Variants in SLC22A23 observed in about 807,000 individuals in gnomAD.
The protein encoded by SLC22A23 is ion transporter protein.
Under a neutral mutation model 61.0 loss-of-function variants are expected in SLC22A23, and 26 were observed. The observed-to-expected ratio is 0.43, with a 90% CI of 0.31 to 0.59. SLC22A23 has a LOEUF of 0.59. SLC22A23 is among the 20% of genes least tolerant of loss of function. The pLI is 0.11. For synonymous variants in SLC22A23, 430 were observed against 413.9 expected, an observed-to-expected ratio of 1.04 and a Z score of -0.47; for missense variants, 796 against 934.7, an observed-to-expected ratio of 0.85 and a Z score of 1.94.
chr6:3,376,472 T>G (rs1766575439), intron 3 of SLC22A23, among the ~76,000 whole-genome samples: 1 of 152,070 alleles, frequency 6.6e-6, no homozygotes, highest in Non-Finnish European at 1.5e-5. Flanking sequence ...CTGTGCCTCT[T>G]TCACCCCAGA....
chr6:3,454,567 A>G lies in SLC22A23; in HGVS notation c.654+1339T>C, dbSNP rs2127561467. On this transcript the variant is annotated intron_variant, in intron 1 of 9. Transcript: ENST00000406686. The surrounding 1 kb of genome is among the most constrained non-coding windows in gnomAD (Gnocchi z 4.3). Reference sequence around the variant, plus strand: ...TTGTTCTTAATTTTTCTTTGCTGCTAAACCAACAAAGAAATATTGCCCTCC... The same window carrying G: ...TTGTTCTTAATTTTTCTTTGCTGCTGAACCAACAAAGAAATATTGCCCTCC... Among the ~76,000 whole-genome samples, 2 of 152,344 alleles carry G rather than the reference A, an allele frequency of 1.3e-5. No homozygotes were observed. The highest frequency in any genetic ancestry group is 3.9e-4 in the East Asian group (2 of 5,188).
chr6:3,397,953 G>T lies in SLC22A23; in HGVS notation c.913+12235C>A, dbSNP rs151109598. Among the ~76,000 whole-genome samples, 214 of 152,326 alleles carry T rather than the reference G, an allele frequency of 1.4e-3. 2 individuals are homozygous for T. The Middle Eastern group carries it at 0.017, about 12-fold the overall frequency. ...GGGAGCAAATGACCAAGAATGGGGG[G>T]CCCTGGGGCCTCCCAGCAAACACTT... On this transcript the variant is annotated intron_variant, in intron 3 of 9. Coordinates refer to ENST00000406686, the MANE Select transcript of SLC22A23 (RefSeq NM_015482.2).
chr6:3,414,729 A>AAT lies in SLC22A23; in HGVS notation c.758+1022_758+1023insAT, dbSNP rs1288047712. ...AAGATGTCTCGATTCACCAAAAAAA[A>AAT]AAAAAAAAAAAAAAATCCTTTAAAG... On this transcript the variant is annotated intron_variant, in intron 2 of 9. Coordinates refer to ENST00000406686, the MANE Select transcript of SLC22A23 (RefSeq NM_015482.2). The surrounding 1 kb of genome is among the most constrained non-coding windows in gnomAD (Gnocchi z 5.1). Among the ~76,000 whole-genome samples the AAT allele has an allele frequency of 4.0e-5, 6 of 151,522 alleles. No homozygotes were observed. Among genetic ancestry groups the AAT allele is most frequent in the African/African-American group, 1.2e-4 (5 of 41,172 alleles).
chr6:3,280,283 AAGGCCACAC>A (rs1436323718), intron 9 of SLC22A23, among the ~76,000 whole-genome samples: 2 of 152,026 alleles, frequency 1.3e-5, no homozygotes, highest in African/African-American at 4.8e-5. Context: ...GGACCCACCC[AAGGCCACAC>A]AGGGAGGCGG....
intron 3 of SLC22A23, among the ~76,000 whole-genome samples, chr6:3,369,837 T>A (rs559950434): frequency 6.6e-6 from 1 of 152,378 alleles, no homozygotes; most frequent in South Asian, 2.1e-4. Context: ...TAAACATGGC[T>A]TCAGTTTTAG....
In SLC22A23 at chr6:3,329,155, C is replaced by T. The variant is rs1471533502; in HGVS notation, c.914-5153G>A. 6.6e-6 allele frequency among the ~76,000 whole-genome samples: 1 copy of T among 151,988 alleles called. No homozygotes were observed. The highest frequency in any genetic ancestry group is 2.4e-5 in the African/African-American group (1 of 41,352). ...GGGGTGGCCAAAGTTTTAACATTCT[C>T]CCCCCACCTCCCTCATCCCCCACAA... is the stretch of plus-strand genomic sequence containing the variant. On this transcript the variant is annotated intron_variant, in intron 3 of 9. Coordinates refer to ENST00000406686, the MANE Select transcript of SLC22A23 (RefSeq NM_015482.2). This position sits in a 1 kb window ranked among gnomAD's most constrained non-coding sequence, Gnocchi z 4.8.
At chr6:3,282,991 C>T (rs938579479) in intron 9 of SLC22A23, among the ~76,000 whole-genome samples, 2 of 152,150 alleles carry the variant, frequency 1.3e-5, no homozygotes, top group African/African-American at 4.8e-5. Context: ...GCAGACTCCA[C>T]GAGGGCGGGA....
At chr6:3,399,433 T>G (rs1381903360) in intron 3 of SLC22A23, among the ~76,000 whole-genome samples, 1 of 152,226 alleles carries the variant, frequency 6.6e-6, no homozygotes, top group African/African-American at 2.4e-5. Context: ...CAGCCATTCA[T>G]GTCCATCCTG....
chr6:3,411,350 G>T (rs941349530), intron 2 of SLC22A23, among the ~76,000 whole-genome samples: 1 of 152,202 alleles, frequency 6.6e-6, no homozygotes, highest in Non-Finnish European at 1.5e-5. Context: ...GTACCACAAA[G>T]GGTAGCTGAG....
chr6:3,400,835 TAACTC>T (rs1177551275), intron 3 of SLC22A23, among the ~76,000 whole-genome samples: 1 of 152,238 alleles, frequency 6.6e-6, no homozygotes, highest in Non-Finnish European at 1.5e-5. Context: ...ACTGCATCTC[TAACTC>T]AACTCAATTG....
intron 6 of SLC22A23, 91 bp from the exon 7 acceptor site, chr6:3,287,182 G>C: frequency 8.2e-7 from 1 of 1,212,874 alleles, no homozygotes; most frequent in Admixed American, 2.1e-5. Flanking sequence ...AGGTGACCAG[G>C]AGATGAAGAA....
intron 3 of SLC22A23, among the ~76,000 whole-genome samples, chr6:3,337,954 A>C (rs965272325): frequency 1.3e-5 from 2 of 152,164 alleles, no homozygotes; most frequent in Non-Finnish European, 2.9e-5. Flanking sequence ...GCAGGGCACA[A>C]ATTTCCCTTT....
At chr6:3,441,949 G>C (rs565354555) in intron 1 of SLC22A23, among the ~76,000 whole-genome samples, 1 of 152,164 alleles carries the variant, frequency 6.6e-6, no homozygotes, top group Non-Finnish European at 1.5e-5. Context: ...GGGATTGTCC[G>C]GAACTGTCTT....
At chr6:3,287,209 T>C (rs1018311341) in intron 6 of SLC22A23, 118 bp from the exon 7 acceptor site, 4 of 905,388 alleles carry the variant, frequency 4.4e-6, no homozygotes, top group African/African-American at 3.3e-5. Context: ...CAATGTGTCA[T>C]AGAAAAGCCC....
intron 3 of SLC22A23, among the ~76,000 whole-genome samples, chr6:3,366,332 C>CA (rs11387672): frequency 0.023 from 1,691 of 74,108 alleles, 197 homozygotes; most frequent in African/African-American, 0.093. Context: ...GACTCTGTCT[C>CA]AAAAAAAAAA....
At chr6:3,388,083 A>C (rs1767423761) in intron 3 of SLC22A23, among the ~76,000 whole-genome samples, 1 of 152,222 alleles carries the variant, frequency 6.6e-6, no homozygotes, top group Non-Finnish European at 1.5e-5. Flanking sequence ...TTGACTTTGT[A>C]AAATCAAAAT....
rs773663813 is a variant in SLC22A23, at chr6:3,387,969, A to G, written c.913+22219T>C. On this transcript the variant is annotated intron_variant, in intron 3 of 9. Transcript: ENST00000406686. The surrounding 1 kb of genome is among the most constrained non-coding windows in gnomAD (Gnocchi z 5.0). ...TCCTGCTGCCTGAAAGAGAAGCCCA[A>G]CAAGTCCCCTCTGGCAAGTGCAATT... Among the ~76,000 whole-genome samples, 13 of 152,188 alleles carry G rather than the reference A, an allele frequency of 8.5e-5. No homozygotes were observed. The highest frequency in any genetic ancestry group is 1.9e-4 in the Non-Finnish European group (13 of 68,022).
intron 1 of SLC22A23, among the ~76,000 whole-genome samples, chr6:3,446,046 CAG>C (rs1771881033): frequency 6.6e-6 from 1 of 152,194 alleles, no homozygotes; most frequent in Admixed American, 6.5e-5. Flanking sequence ...GAAATCTGCC[CAG>C]AGAGGTGTTC....
At chr6:3,443,415 C>T (rs1317908421) in intron 1 of SLC22A23, among the ~76,000 whole-genome samples, 2 of 152,128 alleles carry the variant, frequency 1.3e-5, no homozygotes, top group Non-Finnish European at 2.9e-5. Flanking sequence ...CCTGGGTGAT[C>T]TGGAGCTAAT....
Sources: allele counts gnomAD v4.1 joint callset (sites outside exome capture counted in the v4.1 genomes callset), GRCh38; gene constraint gnomAD v4.1.1; non-coding constraint Gnocchi (gnomAD v3.1); transcripts MANE v1.5; gene names NCBI Gene and HGNC (gene_info 2026-07-23, HGNC 2026-07-21).